ASAP1: variants seen among roughly 807,000 people sequenced by gnomAD.
ASAP1 encodes arf-GAP with SH3 domain, ANK repeat and PH domain-containing protein 1.
ASAP1 carries 43 observed loss-of-function variants against 145.2 expected under a neutral mutation model. That is an observed-to-expected ratio of 0.30 (90% CI 0.23 to 0.38). The LOEUF is 0.38. Ranked by LOEUF, ASAP1 falls within the 10% of genes least tolerant of loss-of-function variation. The probability of loss-of-function intolerance (pLI) is 1.00; values close to 1 mark genes in which losing one functional copy is unlikely to be tolerated. For missense variants in ASAP1, 1,018 were observed against 1,355.3 expected, an observed-to-expected ratio of 0.75 and a Z score of 3.91; for synonymous variants, 546 against 515.5, an observed-to-expected ratio of 1.06 and a Z score of -0.80.
At chr8:130,109,200 C>T (rs942488619) in intron 24 of ASAP1, among the ~76,000 whole-genome samples, 4 of 152,056 alleles carry the variant, frequency 2.6e-5, no homozygotes, top group Non-Finnish European at 5.9e-5. Context: ...CTCGGGACCC[C>T]ACATCTGAAG....
intron 27 of ASAP1, among the ~76,000 whole-genome samples, chr8:130,074,568 T>C (rs568892798): frequency 6.7e-5 from 10 of 150,132 alleles, no homozygotes; most frequent in Non-Finnish European, 1.3e-4. Context: ...CCTGCCCTGA[T>C]AGGGCAAGTC....
intron 3 of ASAP1, among the ~76,000 whole-genome samples, chr8:130,334,365 C>A (rs1267188400): frequency 6.6e-6 from 1 of 152,206 alleles, no homozygotes; most frequent in African/African-American, 2.4e-5. Flanking sequence ...TCATTCATTT[C>A]TATTAAAGTC....
At chr8:130,104,336 G>A (rs2097533590) in intron 24 of ASAP1, among the ~76,000 whole-genome samples, 1 of 152,192 alleles carries the variant, frequency 6.6e-6, no homozygotes, top group South Asian at 2.1e-4. Flanking sequence ...CTGAATCTTT[G>A]CCCTGGCATG....
intron 13 of ASAP1, 41 bp from the exon 14 acceptor site, chr8:130,137,079 A>T: frequency 1.3e-6 from 2 of 1,542,276 alleles, no homozygotes; most frequent in South Asian, 2.2e-5. Context: ...ATGCAGCTCC[A>T]CTCTCTTGTC....
At chr8:130,436,943 C>A (rs1324935193) in intron 1 of ASAP1, among the ~76,000 whole-genome samples, 1 of 151,478 alleles carries the variant, frequency 6.6e-6, no homozygotes, top group Non-Finnish European at 1.5e-5. Context: ...CCCATCTCTA[C>A]AAAATACAAA....
intron 2 of ASAP1, among the ~76,000 whole-genome samples, chr8:130,393,645 G>A (rs1586963789): frequency 6.6e-6 from 1 of 152,218 alleles, no homozygotes; most frequent in Admixed American, 6.5e-5. Context: ...AATCCCAGCT[G>A]CTCGGGAGGC....
intron 2 of ASAP1, among the ~76,000 whole-genome samples, chr8:130,369,058 A>T (rs1236194424): frequency 6.6e-6 from 1 of 152,228 alleles, no homozygotes. Context: ...GGGGATAATG[A>T]TATTTACGTC....
At chr8:130,441,082 A>G (rs1349198377) in intron 1 of ASAP1, among the ~76,000 whole-genome samples, 1 of 152,208 alleles carries the variant, frequency 6.6e-6, no homozygotes, top group Non-Finnish European at 1.5e-5. Context: ...TGGTTGTTCA[A>G]TTGATGAATT....
intron 15 of ASAP1, among the ~76,000 whole-genome samples, chr8:130,128,901 A>G (rs1334373405): frequency 6.6e-6 from 1 of 152,200 alleles, no homozygotes. Context: ...CAACAAAAAA[A>G]CCTATTATAT....
chr8:130,412,046 G>A lies in ASAP1; in HGVS notation c.-27-10076C>T, dbSNP rs956789580. On this transcript the variant is annotated intron_variant, in intron 1 of 29. Transcript: ENST00000518721. Reference sequence around the variant, plus strand: ...ACCACGCAGGCCCTGTATGGGTATCGGCCACATAGCCCCTTTCAATCACGC... The same window carrying A: ...ACCACGCAGGCCCTGTATGGGTATCAGCCACATAGCCCCTTTCAATCACGC... Among the ~76,000 whole-genome samples, 11 of 152,260 alleles carry A rather than the reference G, an allele frequency of 7.2e-5. No homozygotes were observed. The East Asian group carries it at 9.6e-4, about 13-fold the overall frequency.
intron 2 of ASAP1, among the ~76,000 whole-genome samples, chr8:130,362,229 C>T (rs1826750956): frequency 6.6e-6 from 1 of 152,062 alleles, no homozygotes; most frequent in South Asian, 2.1e-4. Context: ...GACCAGAAAC[C>T]AGAGGTGGGG....
intron 5 of ASAP1, chr8:130,195,298 G>C (rs1206537306): frequency 6.6e-6 from 1 of 150,930 alleles, no homozygotes; most frequent in Non-Finnish European, 1.5e-5. Flanking sequence ...CAATTGGCGG[G>C]GGCCAAGGTG....
In ASAP1 at chr8:130,203,366, G is replaced by A. The variant is rs1018572234; in HGVS notation, c.405+11190C>T. 3.3e-5 allele frequency among the ~76,000 whole-genome samples: 5 copies of A among 152,306 alleles called. No homozygotes were observed. In the East Asian group the frequency reaches 9.6e-4, roughly 29 times the overall value. On this transcript the variant is annotated intron_variant, in intron 5 of 29. Transcript: ENST00000518721. ...AAAGCACCCACCTGGCTTGTACAAG[G>A]GAAGCCTGAAGTCCAGCCATGCTCC...
At chr8:130,295,185 A>C (rs902139909) in intron 3 of ASAP1, among the ~76,000 whole-genome samples, 4 of 152,164 alleles carry the variant, frequency 2.6e-5, no homozygotes, top group African/African-American at 7.2e-5. Flanking sequence ...TGGGAGGCTG[A>C]GAAAGGAGAA....
chr8:130,105,695 G>A (rs560141198), intron 24 of ASAP1, among the ~76,000 whole-genome samples: 1 of 148,018 alleles, frequency 6.8e-6, no homozygotes, highest in African/African-American at 2.5e-5. Flanking sequence ...AGTGTAGAAC[G>A]GAGGAGCTGT....
intron 2 of ASAP1, among the ~76,000 whole-genome samples, chr8:130,359,785 G>A (rs1298385807): frequency 6.6e-6 from 1 of 152,118 alleles, no homozygotes; most frequent in Non-Finnish European, 1.5e-5. Context: ...CACCGCGCCC[G>A]GCTAATTTTT....
intron 26 of ASAP1, 49 bp downstream of exon 26, chr8:130,079,853 A>G (rs1156634971): frequency 5.8e-6 from 9 of 1,556,154 alleles, no homozygotes; most frequent in Non-Finnish European, 7.1e-6. Flanking sequence ...AATTCTGTCC[A>G]TTGCATCAAT....
rs536001552 is a variant in ASAP1, at chr8:130,309,800, C to G, written c.186+48217G>C. Among the ~76,000 whole-genome samples, 11 of 152,316 alleles carry G rather than the reference C, an allele frequency of 7.2e-5. No individual in the cohort carries two copies. In the South Asian group the frequency reaches 2.3e-3, roughly 32 times the overall value. On this transcript the variant is annotated intron_variant, in intron 3 of 29. Transcript: ENST00000518721. Reference sequence around the variant, plus strand: ...GTTCCTCTAAAACTGGACTTTTAATCACAAGCTGTACTGCCAGGTGAACTC... The same window carrying G: ...GTTCCTCTAAAACTGGACTTTTAATGACAAGCTGTACTGCCAGGTGAACTC...
Position 130,179,344 on chromosome 8 carries a change from G to T in ASAP1, c.666C>A (p.Leu222=). ...RLFQLQMCEY[L]IKVNEIKTKK... Reference sequence around the variant, plus strand: ...TGGTCTTGATTTCATTAACTTTAATGAGATACTGTGAAAATAAAACAGGGT... The same window carrying T: ...TGGTCTTGATTTCATTAACTTTAATTAGATACTGTGAAAATAAAACAGGGT... Residue 222 remains leucine, a synonymous_variant, in exon 9 of 30, where the codon CTC becomes CTA. Transcript: ENST00000518721. The T allele has an allele frequency of 6.3e-7, 1 of 1,592,470 alleles. No individual in the cohort carries two copies. The highest frequency in any genetic ancestry group is 1.1e-5 in the South Asian group (1 of 90,520).
Sources: allele counts gnomAD v4.1 joint callset (sites outside exome capture counted in the v4.1 genomes callset), GRCh38; gene constraint gnomAD v4.1.1; transcripts MANE v1.5; gene names NCBI Gene and HGNC (gene_info 2026-07-23, HGNC 2026-07-21).